MTSS1: variants seen among roughly 807,000 people sequenced by gnomAD.
The protein encoded by MTSS1 is MTSS I-BAR domain containing 1.
A neutral mutation model predicts 79.0 loss-of-function variants in MTSS1; 18 were observed. The observed-to-expected ratio is 0.23, with a 90% CI of 0.16 to 0.34. The LOEUF is 0.34. MTSS1 is among the 10% of genes least tolerant of loss of function. MTSS1 has a pLI of 1.00. For synonymous variants in MTSS1, 341 were observed against 368.6 expected, an observed-to-expected ratio of 0.93 and a Z score of 0.86; for missense variants, 815 against 986.2, an observed-to-expected ratio of 0.83 and a Z score of 2.33.
chr8:124,675,568 ATG>A (rs1404225432), intron 3 of MTSS1, among the ~76,000 whole-genome samples: 1 of 152,232 alleles, frequency 6.6e-6, no homozygotes, highest in Admixed American at 6.5e-5. Context: ...TGCATTCACA[ATG>A]TGAGTAATGA....
At chr8:124,581,355 G>C (rs1830015744) in intron 6 of MTSS1, among the ~76,000 whole-genome samples, 1 of 151,514 alleles carries the variant, frequency 6.6e-6, no homozygotes, top group Non-Finnish European at 1.5e-5. Context: ...GTGGAACAGT[G>C]ACCATAATAA....
chr8:124,588,858 G>A lies in MTSS1; in HGVS notation c.385+762C>T, dbSNP rs146065823. 9.2e-3 allele frequency among the ~76,000 whole-genome samples: 1,395 copies of A among 151,952 alleles called. 20 individuals carry two copies. The highest frequency in any genetic ancestry group is 0.032 in the African/African-American group (1,322 of 41,406). ...GCCTCCCGAGTAGTTGGGATTACAGGCATGCACCACCACACCTGGATACTT... is the reference window on the plus strand; with the variant it reads ...GCCTCCCGAGTAGTTGGGATTACAGACATGCACCACCACACCTGGATACTT... On this transcript the variant is annotated intron_variant, in intron 5 of 13. Coordinates refer to ENST00000518547, the MANE Select transcript of MTSS1 (RefSeq NM_014751.6).
chr8:124,662,444 C>G (rs891261803), intron 3 of MTSS1, among the ~76,000 whole-genome samples: 1 of 152,176 alleles, frequency 6.6e-6, no homozygotes, highest in Admixed American at 6.5e-5. Context: ...CCAAGAGAGG[C>G]CTCAGTCTCT....
At chr8:124,708,389 A>G (rs1348978975) in intron 1 of MTSS1, among the ~76,000 whole-genome samples, 4 of 152,226 alleles carry the variant, frequency 2.6e-5, no homozygotes, top group African/African-American at 9.6e-5. Context: ...GACAGACTGT[A>G]AAGTCTAAGT....
At chr8:124,660,067 G>T (rs1821713005) in intron 3 of MTSS1, among the ~76,000 whole-genome samples, 1 of 152,114 alleles carries the variant, frequency 6.6e-6, no homozygotes, top group Admixed American at 6.5e-5. Context: ...CAGAAACATG[G>T]CAGGTAGGAT....
rs553410219 is a variant in MTSS1 at position 124,651,333 on chromosome 8, A to G, written c.208+48193T>C. 2.5e-4 allele frequency among the ~76,000 whole-genome samples: 38 copies of G among 152,314 alleles called. No individual in the cohort carries two copies. In the South Asian group the frequency reaches 7.2e-3, roughly 29 times the overall value. On this transcript the variant is annotated intron_variant, in intron 3 of 13. Coordinates refer to ENST00000518547, the MANE Select transcript of MTSS1 (RefSeq NM_014751.6). ...TCACGTGTGGCAGTTCAAGAACTTGAGCGTGACATGCCGTGTGAAGAGCAT... is the reference window on the plus strand; with the variant it reads ...TCACGTGTGGCAGTTCAAGAACTTGGGCGTGACATGCCGTGTGAAGAGCAT...
intron 3 of MTSS1, among the ~76,000 whole-genome samples, chr8:124,633,838 C>A (rs775825732): frequency 2.6e-5 from 4 of 151,530 alleles, no homozygotes; most frequent in Non-Finnish European, 5.9e-5. Context: ...TTTGTTGATC[C>A]TAGTACCGCC....
intron 3 of MTSS1, among the ~76,000 whole-genome samples, chr8:124,653,169 T>C (rs889485860): frequency 2.0e-5 from 3 of 152,202 alleles, no homozygotes; most frequent in Non-Finnish European, 2.9e-5. Context: ...GAAAGATGAA[T>C]CTGATTTTAA....
At chr8:124,712,381 G>A (rs144774218) in intron 1 of MTSS1, among the ~76,000 whole-genome samples, 370 of 152,240 alleles carry the variant, frequency 2.4e-3, no homozygotes, top group African/African-American at 8.4e-3. Context: ...GCTGCTTTAC[G>A]CAGCTTCCAG....
At chr8:124,623,908 C>T (rs1489378471) in intron 3 of MTSS1, among the ~76,000 whole-genome samples, 3 of 152,194 alleles carry the variant, frequency 2.0e-5, no homozygotes, top group East Asian at 1.9e-4. Flanking sequence ...CCTCCCAAAG[C>T]GCTAGGATTA....
At chr8:124,626,860 C>T (rs899500345) in intron 3 of MTSS1, among the ~76,000 whole-genome samples, 3 of 152,110 alleles carry the variant, frequency 2.0e-5, no homozygotes, top group Admixed American at 1.3e-4. Flanking sequence ...TCCATGGTGA[C>T]GGTCACAGAG....
At position 124,553,338 on chromosome 8, in the gene MTSS1, C is replaced by T. The variant is rs776388539; in HGVS notation, c.1922G>A (p.Gly641Glu). The T allele has an allele frequency of 1.1e-5, 17 of 1,613,600 alleles. 1 individual carries two copies. The South Asian group carries it at 1.5e-4, about 15-fold the overall frequency. Reference protein sequence around the residue: ...PAPPDGPEERGEHSPESPSVG... With the variant: ...PAPPDGPEEREEHSPESPSVG... ...AGATGGCGACTCAGGGCTGTGCTCC[C>T]CCCGCTCTTCTGGCCCATCTGGAGG... Residue 641 changes from glycine (G) to glutamate (E), a missense_variant, in exon 14 of 14, where the codon GGG (glycine) becomes GAG (glutamate). Physicochemically the swap from Gly to Glu is moderately conservative, Grantham distance 98 (BLOSUM62 -2). Around this residue, in one of 2 missense-constraint regions of MTSS1, gnomAD observed 590 missense variants for 620.8 expected, o/e 0.95. Transcript: ENST00000518547. This position sits in a 1 kb window ranked among gnomAD's most constrained non-coding sequence, Gnocchi z 6.0.
At chr8:124,603,015 T>G (rs922796360) in intron 3 of MTSS1, among the ~76,000 whole-genome samples, 3 of 152,186 alleles carry the variant, frequency 2.0e-5, no homozygotes, top group African/African-American at 7.2e-5. Context: ...TTCCTTGCTG[T>G]TGGGCATCCC....
intron 9 of MTSS1, 138 bp downstream of exon 9, chr8:124,565,524 C>T: frequency 1.4e-6 from 1 of 717,976 alleles, no homozygotes; most frequent in Non-Finnish European, 2.2e-6. Context: ...AAAATTATTA[C>T]CATTCTTTCA....
intron 3 of MTSS1, among the ~76,000 whole-genome samples, chr8:124,644,831 A>AAGTG (rs397790180): frequency 6.6e-6 from 1 of 152,052 alleles, no homozygotes. Context: ...ATGATTCAGT[A>AAGTG]TAAGAGGGCT....
intron 1 of MTSS1, among the ~76,000 whole-genome samples, chr8:124,725,548 C>T (rs1256748069): frequency 6.6e-6 from 1 of 152,108 alleles, no homozygotes. Context: ...CCGACATTTA[C>T]GCTTTTCCCT....
At chr8:124,671,566 T>C (rs1824223310) in intron 3 of MTSS1, among the ~76,000 whole-genome samples, 1 of 152,246 alleles carries the variant, frequency 6.6e-6, no homozygotes, top group South Asian at 2.1e-4. Context: ...TTTCTGAAGA[T>C]GACCAAAGTG....
chr8:124,643,421 G>T (rs1213978851), intron 3 of MTSS1, among the ~76,000 whole-genome samples: 2 of 151,940 alleles, frequency 1.3e-5, no homozygotes, highest in Admixed American at 1.3e-4. Context: ...AATCTAGCCC[G>T]GCGCAGTGGC....
At chr8:124,601,183 C>T (rs1054280849) in intron 3 of MTSS1, among the ~76,000 whole-genome samples, 1 of 151,800 alleles carries the variant, frequency 6.6e-6, no homozygotes, top group South Asian at 2.1e-4. Context: ...GCCTCAGCCA[C>T]CCGAGTACCT....
Sources: gnomAD v4.1 joint callset for allele counts (sites outside exome capture counted in the v4.1 genomes callset) on GRCh38, gnomAD v4.1.1 for gene constraint, gnomAD v4.1.1 regional missense constraint, Gnocchi (gnomAD v3.1) non-coding constraint, MANE v1.5 for transcripts, NCBI Gene and HGNC (gene_info 2026-07-23, HGNC 2026-07-21) for gene names.